Variants in RANBP2 observed in about 807,000 individuals in gnomAD.
RANBP2 encodes the protein E3 SUMO-protein ligase RanBP2.
In RANBP2, 57 loss-of-function variants were observed where a neutral mutation model predicts 303.6. The observed-to-expected ratio is 0.19, with a 90% CI of 0.15 to 0.23. The LOEUF (loss-of-function observed/expected upper bound fraction) is 0.23. RANBP2 is among the 10% of genes least tolerant of loss of function. RANBP2 has a pLI of 1.00. For synonymous variants in RANBP2, 1,167 were observed against 1,301.5 expected, an observed-to-expected ratio of 0.90 and a Z score of 2.23; for missense variants, 3,138 against 3,780.8, an observed-to-expected ratio of 0.83 and a Z score of 4.46.
chr2:108,849,809 A>T, the RANBP2 span, among the ~76,000 whole-genome samples: 3 of 152,336 alleles, frequency 2.0e-5, no homozygotes, highest in South Asian at 6.2e-4. Context: ...TCCAGTGTTC[A>T]TCTACTACCT....
At chr2:108,775,486 T>G (rs958623966) in intron 23 of RANBP2, among the ~76,000 whole-genome samples, 1 of 152,162 alleles carries the variant, frequency 6.6e-6, no homozygotes, top group African/African-American at 2.4e-5. Context: ...ACCTCCAGAT[T>G]ATCTCTCTGG....
At chr2:109,410,434 C>G in the RANBP2 span, among the ~76,000 whole-genome samples, 1 of 152,226 alleles carries the variant, frequency 6.6e-6, no homozygotes, top group South Asian at 2.1e-4. Flanking sequence ...GCTCCGTGCA[C>G]CCAGGGGGCA....
the RANBP2 span, among the ~76,000 whole-genome samples, chr2:108,851,059 A>G: frequency 6.6e-6 from 1 of 152,126 alleles, no homozygotes; most frequent in Non-Finnish European, 1.5e-5. Context: ...TGGGGTTCCT[A>G]CAACCCCCTC....
At chr2:109,299,343 A>G in the RANBP2 span, among the ~76,000 whole-genome samples, 2 of 151,688 alleles carry the variant, frequency 1.3e-5, no homozygotes, top group Admixed American at 6.6e-5. Flanking sequence ...ATATTTTCCC[A>G]TTTGGGTTAC....
chr2:108,846,666 G>C, the RANBP2 span: 1 of 1,358,430 alleles, frequency 7.4e-7, no homozygotes, highest in Non-Finnish European at 1.0e-6. Context: ...AACAGAGCAA[G>C]ACTGTGTCTC....
chr2:108,766,397 C>T lies in RANBP2; in HGVS notation c.5858C>T (p.Ser1953Leu). The T allele has an allele frequency of 6.8e-6, 11 of 1,611,952 alleles. No individual in the cohort carries two copies. Among genetic ancestry groups the T allele is most frequent in the Non-Finnish European group, 9.3e-6 (11 of 1,179,838 alleles). ...TTTACATTTGCAGATCTTGCAAAAT[C>T]AACTTCAGGAGAAGGATTTCAGTTT... ...STFTFADLAK[S>L]TSGEGFQFGK... Residue 1953 changes from serine (S) to leucine (L), a missense_variant, in exon 20 of 29, where the codon TCA becomes TTA. Ser to Leu is a moderately radical substitution (Grantham distance 145). Transcript: ENST00000283195.
At chr2:109,252,125 T>C in the RANBP2 span, among the ~76,000 whole-genome samples, 35 of 152,010 alleles carry the variant, frequency 2.3e-4, no homozygotes, top group Non-Finnish European at 2.2e-4. Flanking sequence ...AGGCCTATAG[T>C]CTCAGCTACT....
chr2:109,545,662 C>A, the RANBP2 span: 1 of 1,487,196 alleles, frequency 6.7e-7, no homozygotes, highest in African/African-American at 1.4e-5. Flanking sequence ...ACAAAGGGCA[C>A]AGCTTTATTT....
the RANBP2 span, among the ~76,000 whole-genome samples, chr2:109,459,494 T>C: frequency 6.6e-6 from 1 of 152,138 alleles, no homozygotes; most frequent in Non-Finnish European, 1.5e-5. Context: ...TAGTTTTCCA[T>C]TGACCTCAGT....
chr2:109,117,414 C>T, the RANBP2 span, among the ~76,000 whole-genome samples: 1 of 152,220 alleles, frequency 6.6e-6, no homozygotes, highest in Non-Finnish European at 1.5e-5. Context: ...CAGCGAGACT[C>T]CATGGGCGTA....
the RANBP2 span, among the ~76,000 whole-genome samples, chr2:109,414,501 C>A: frequency 6.6e-6 from 1 of 152,124 alleles, no homozygotes; most frequent in African/African-American, 2.4e-5. Flanking sequence ...TCAATGGACA[C>A]GAGGAGCAAT....
chr2:109,258,830 G>C, the RANBP2 span, among the ~76,000 whole-genome samples: 17 of 152,232 alleles, frequency 1.1e-4, no homozygotes, highest in African/African-American at 4.1e-4. Flanking sequence ...CCCATCCAGG[G>C]GCAGTGACCT....
At chr2:109,032,601 GA>G in the RANBP2 span, among the ~76,000 whole-genome samples, 6 of 151,966 alleles carry the variant, frequency 3.9e-5, no homozygotes, top group Admixed American at 1.3e-4. Context: ...TGGGGTGGGG[GA>G]GTCTTTCCTC....
the RANBP2 span, among the ~76,000 whole-genome samples, chr2:109,704,420 C>T: frequency 2.0e-5 from 3 of 151,866 alleles, no homozygotes; most frequent in Non-Finnish European, 2.9e-5. Context: ...TGTGGTGGCA[C>T]GCGCCTATGG....
the RANBP2 span, among the ~76,000 whole-genome samples, chr2:109,578,773 G>GA: frequency 2.3e-3 from 314 of 134,910 alleles, no homozygotes; most frequent in Admixed American, 4.7e-3. Context: ...CCTCAAAAAA[G>GA]AAAAAAAAAA....
At chr2:109,279,265 C>A in the RANBP2 span, among the ~76,000 whole-genome samples, 1 of 152,184 alleles carries the variant, frequency 6.6e-6, no homozygotes, top group Non-Finnish European at 1.5e-5. Context: ...TAGCTCCTGC[C>A]ACGTCCTTTG....
chr2:109,209,410 T>C, the RANBP2 span, among the ~76,000 whole-genome samples: 22 of 152,212 alleles, frequency 1.4e-4, no homozygotes, highest in African/African-American at 4.8e-4. Context: ...ATTTCCAGGG[T>C]GTAAACACTC....
the RANBP2 span, among the ~76,000 whole-genome samples, chr2:109,123,227 G>C: frequency 4.6e-5 from 7 of 152,130 alleles, no homozygotes; most frequent in African/African-American, 1.7e-4. Context: ...GTGCTAACTA[G>C]ACAGGTGCCC....
At chr2:109,022,779 G>A in the RANBP2 span, among the ~76,000 whole-genome samples, 51 of 152,336 alleles carry the variant, frequency 3.3e-4, no homozygotes, top group African/African-American at 1.2e-3. Context: ...GGCTGGGCGT[G>A]GTGGCTCACG....
Sources: allele counts gnomAD v4.1 joint callset (sites outside exome capture counted in the v4.1 genomes callset), GRCh38; gene constraint gnomAD v4.1.1; transcripts MANE v1.5; gene names NCBI Gene and HGNC (gene_info 2026-07-23, HGNC 2026-07-21).